THOC7: variants seen among roughly 807,000 people sequenced by gnomAD.
THOC7 encodes NIF3L1-binding protein 1.
In THOC7, 22 loss-of-function variants were observed where a neutral mutation model predicts 33.1. The observed-to-expected ratio is 0.66, with a 90% CI of 0.47 to 0.95. THOC7 has a LOEUF of 0.95. Ranked by LOEUF, THOC7 falls within the 40% of genes least tolerant of loss-of-function variation. The pLI is 0.00. For synonymous variants in THOC7, 77 were observed against 76.8 expected, an observed-to-expected ratio of 1.00 and a Z score of -0.01; for missense variants, 184 against 245.3, an observed-to-expected ratio of 0.75 and a Z score of 1.67.
intron 1 of THOC7, among the ~76,000 whole-genome samples, chr3:63,849,462 G>A (rs1421323949): frequency 1.3e-5 from 2 of 152,140 alleles, no homozygotes; most frequent in South Asian, 4.1e-4. Context: ...CTTCCTGGCA[G>A]GCCCATGAAC....
intron 1 of THOC7, among the ~76,000 whole-genome samples, chr3:63,854,383 T>C (rs1198050776): frequency 2.6e-5 from 4 of 152,248 alleles, no homozygotes; most frequent in African/African-American, 9.6e-5. Flanking sequence ...CTATACATGT[T>C]GACTTCACAA....
chr3:63,837,951 A>C (rs762130659), intron 4 of THOC7, 25 bp downstream of exon 4: 1 of 1,593,658 alleles, frequency 6.3e-7, no homozygotes, highest in Non-Finnish European at 8.5e-7. Flanking sequence ...ATGTATTTGC[A>C]CATTAAATCC....
chr3:63,857,188 T>C (rs949068417), intron 1 of THOC7, among the ~76,000 whole-genome samples: 2 of 152,224 alleles, frequency 1.3e-5, no homozygotes, highest in African/African-American at 4.8e-5. Flanking sequence ...GAGGAATTAT[T>C]ACGGAAGGTA....
chr3:63,835,032 C>T (rs1027001546), intron 7 of THOC7, 122 bp downstream of exon 7: 14 of 943,014 alleles, frequency 1.5e-5, no homozygotes, highest in African/African-American at 3.3e-5. Context: ...TAACGTCATC[C>T]AGCTACACTG....
intron 1 of THOC7, among the ~76,000 whole-genome samples, chr3:63,843,975 T>TG (rs1470610250): frequency 6.6e-6 from 1 of 151,930 alleles, no homozygotes; most frequent in African/African-American, 2.4e-5. Context: ...CAAATATGTG[T>TG]TACACATACA....
intron 1 of THOC7, among the ~76,000 whole-genome samples, chr3:63,856,737 TAGAC>T (rs1194647850): frequency 6.6e-6 from 1 of 151,962 alleles, no homozygotes; most frequent in Admixed American, 6.6e-5. Flanking sequence ...TTTTTTTTTT[TAGAC>T]AGAGTCTTGC....
At position 63,839,774 on chromosome 3, in the gene THOC7, CT is replaced by C. The variant is rs1294249788; in HGVS notation, c.20-2del. ...AGGAGACGCTTCCGTATAACTTCGT[CT>C]GCAGGAAAGAAGGGCAATGTTACCA... On this transcript the variant is annotated splice_acceptor_variant, in intron 1 of 7. Transcript: ENST00000295899. LOFTEE classifies it high-confidence loss of function. 6.2e-7 allele frequency: 1 copy of C among 1,613,104 alleles called. No homozygotes were observed. The highest frequency in any genetic ancestry group is 2.2e-5 in the East Asian group (1 of 44,856).
In THOC7 at chr3:63,838,632, A is replaced by G. The variant is rs1701685816; in HGVS notation, c.138-133T>C. 5.8e-6 allele frequency: 5 copies of G among 861,838 alleles called. No homozygotes were observed. The South Asian group carries it at 1.0e-4, about 18-fold the overall frequency. 53.4% of individuals were successfully genotyped at this position (861,838 alleles called of 1,614,324 possible). On this transcript the variant is annotated intron_variant, in intron 2 of 7. Transcript: ENST00000295899. ...AGAATCATTTGCTTATTTAAAATTT[A>G]GAATATCTGTCCCTTAAGTTTTCTT...
Position 63,838,051 on chromosome 3 carries a change from C to A in THOC7, c.277G>T (p.Ala93Ser), listed in dbSNP as rs1225304211. The A allele has an allele frequency of 1.9e-6, 3 of 1,607,688 alleles. No individual in the cohort carries two copies. The Admixed American group carries it at 5.1e-5, about 27-fold the overall frequency. ...TCAGCAATTTTTTCATGTGCTCCAG[C>A]TATGCTACATTCTATATGAGAAGGT... ...KIYKEIECSI[A>S]GAHEKIAECK... Residue 93 changes from alanine to serine, a missense_variant, in exon 4 of 8, where the codon GCT becomes TCT. Physicochemically the swap from Ala to Ser is moderately conservative, Grantham distance 99. Around this residue, in one of 3 missense-constraint regions of THOC7, gnomAD observed 157 missense variants for 201.3 expected, o/e 0.78. Coordinates refer to ENST00000295899, the MANE Select transcript of THOC7 (RefSeq NM_025075.4).
rs1205202375 is a variant in THOC7 at position 63,838,282 on chromosome 3, C to A, written c.265+90G>T. On this transcript the variant is annotated intron_variant, in intron 3 of 7. Coordinates refer to ENST00000295899, the MANE Select transcript of THOC7 (RefSeq NM_025075.4). ...CATTAATACAGTAATTGTTATTATT[C>A]TTTTACCACCAAAGAAAATTGTTAG... is the stretch of plus-strand genomic sequence containing the variant. 7 of 1,041,580 alleles carry A rather than the reference C, an allele frequency of 6.7e-6. No individual in the cohort carries two copies. In the East Asian group the frequency reaches 1.1e-4, roughly 16 times the overall value. 64.5% of individuals were successfully genotyped at this position (1,041,580 alleles called of 1,614,324 possible).
rs555339535 is a variant in THOC7 at position 63,838,917 on chromosome 3, G to A, written c.138-418C>T. Among the ~76,000 whole-genome samples the A allele has an allele frequency of 7.9e-5, 12 of 152,278 alleles. No homozygotes were observed. The East Asian group carries it at 1.2e-3, about 15-fold the overall frequency. On this transcript the variant is annotated intron_variant, in intron 2 of 7. Transcript: ENST00000295899. ...AAAAAATAAATAAATATAGTTAGGC[G>A]TGGTAGCTCATGCCTGTAATTCTGG...
chr3:63,856,862 C>T (rs767355544), intron 1 of THOC7, among the ~76,000 whole-genome samples: 11 of 152,054 alleles, frequency 7.2e-5, no homozygotes, highest in Non-Finnish European at 1.2e-4. Flanking sequence ...GGACTACAGG[C>T]GCCCGCTACC....
chr3:63,839,308 C>T (rs1313694110), intron 2 of THOC7, among the ~76,000 whole-genome samples: 5 of 152,118 alleles, frequency 3.3e-5, no homozygotes, highest in African/African-American at 1.2e-4. Flanking sequence ...TAATTTTGCA[C>T]CAACTTAATA....
At chr3:63,850,585 C>CTT (rs61611564) in intron 1 of THOC7, among the ~76,000 whole-genome samples, 95 of 116,796 alleles carry the variant, frequency 8.1e-4, no homozygotes, top group Non-Finnish European at 1.0e-3. Context: ...TCTTTCTTTC[C>CTT]TTTTTTTTTT....
upstream of THOC7, among the ~76,000 whole-genome samples, chr3:63,864,108 CCGCCCGGCCCA>C (rs1702326619): frequency 1.4e-5 from 2 of 147,492 alleles, no homozygotes; most frequent in Admixed American, 1.3e-4. Flanking sequence ...CTTGCAGCCC[CCGCCCGGCCCA>C]CGCCCAGAGG....
intron 1 of THOC7, among the ~76,000 whole-genome samples, chr3:63,844,076 T>C (rs988176100): frequency 6.6e-6 from 1 of 152,164 alleles, no homozygotes; most frequent in Non-Finnish European, 1.5e-5. Context: ...GAGAACATTA[T>C]GCTAGGTGAA....
At chr3:63,851,200 A>G (rs1702014962) in intron 1 of THOC7, among the ~76,000 whole-genome samples, 1 of 152,208 alleles carries the variant, frequency 6.6e-6, no homozygotes, top group Admixed American at 6.5e-5. Flanking sequence ...CAAGCATCAA[A>G]TGGTATGTCT....
chr3:63,842,395 CA>C (rs978082677), intron 1 of THOC7, among the ~76,000 whole-genome samples: 5 of 152,026 alleles, frequency 3.3e-5, no homozygotes, highest in African/African-American at 1.2e-4. Context: ...TTATGGAAAA[CA>C]AAATGAAGAG....
chr3:63,863,723 GC>G, intron 1 of THOC7, 48 bp downstream of exon 1: 2 of 1,248,474 alleles, frequency 1.6e-6, no homozygotes, highest in Non-Finnish European at 2.0e-6. Flanking sequence ...CTCAGGGGAG[GC>G]CCAGCGGGCC....
Sources: allele counts gnomAD v4.1 joint callset (sites outside exome capture counted in the v4.1 genomes callset), GRCh38; gene constraint gnomAD v4.1.1; regional missense constraint gnomAD v4.1.1; transcripts MANE v1.5; gene names NCBI Gene and HGNC (gene_info 2026-07-23, HGNC 2026-07-21).